Variants in UNC13B observed in about 807,000 individuals in gnomAD.
UNC13B encodes unc-13 homolog B, also known as protein unc-13 homolog B.
In UNC13B, 144 loss-of-function variants were observed where a neutral mutation model predicts 211.0. That is an observed-to-expected ratio of 0.68 (90% CI 0.60 to 0.78). The LOEUF (loss-of-function observed/expected upper bound fraction) is 0.78. UNC13B is among the 30% of genes least tolerant of loss of function. UNC13B has a pLI of 0.00. For synonymous variants in UNC13B, 709 were observed against 725.8 expected, an observed-to-expected ratio of 0.98 and a Z score of 0.37; for missense variants, 1,777 against 2,002.0, an observed-to-expected ratio of 0.89 and a Z score of 2.14.
chr9:35,197,230 C>T (rs1359983115), intron 1 of UNC13B, among the ~76,000 whole-genome samples: 2 of 151,836 alleles, frequency 1.3e-5, no homozygotes, highest in Non-Finnish European at 2.9e-5. Context: ...TTTTTTGAGA[C>T]AGAGTCTCGC....
intron 8 of UNC13B, among the ~76,000 whole-genome samples, chr9:35,299,032 G>C (rs1322246326): frequency 1.3e-5 from 2 of 152,146 alleles, no homozygotes; most frequent in Non-Finnish European, 2.9e-5. Flanking sequence ...AGGAGTTCAA[G>C]ACCAGCCTGG....
At chr9:35,294,649 C>G (rs1242436980) in intron 7 of UNC13B, among the ~76,000 whole-genome samples, 1 of 152,166 alleles carries the variant, frequency 6.6e-6, no homozygotes, top group African/African-American at 2.4e-5. Flanking sequence ...TCATTTTGTG[C>G]TAAAAGTATC....
At position 35,404,139 on chromosome 9, in the gene UNC13B, C is replaced by T; in HGVS notation, c.*106C>T. 1.4e-6 allele frequency: 2 copies of T among 1,417,600 alleles called. No individual in the cohort carries two copies. The highest frequency in any genetic ancestry group is 1.9e-6 in the Non-Finnish European group (2 of 1,067,800). The allele number at this position is 1,417,600 out of a possible 1,614,324, so 87.8% of individuals were successfully genotyped here. ...AGGGTCTTTGCAGTCAAGAGGCTGACCCCTTCAGTTAAAGATATTTAAGGA... is the reference window on the plus strand; with the variant it reads ...AGGGTCTTTGCAGTCAAGAGGCTGATCCCTTCAGTTAAAGATATTTAAGGA... On this transcript the variant is annotated 3_prime_UTR_variant, in exon 40 of 40. Transcript: ENST00000635942.
chr9:35,238,423 C>G lies in UNC13B; in HGVS notation c.394+597C>G, dbSNP rs114661197. Among the ~76,000 whole-genome samples, 1,100 of 152,180 alleles carry G rather than the reference C, an allele frequency of 7.2e-3. 12 individuals are homozygous for G. Among genetic ancestry groups the G allele is most frequent in the African/African-American group, 0.025 (1,027 of 41,512 alleles). On this transcript the variant is annotated intron_variant, in intron 5 of 39. Coordinates refer to ENST00000635942, the MANE Select transcript of UNC13B (RefSeq NM_001371189.2). ...TATTTTGGCAAAATTTGGATCATAC[C>G]CTATGTAATATTTATTTGCTGATAT...
intron 7 of UNC13B, among the ~76,000 whole-genome samples, chr9:35,264,895 T>C (rs370643749): frequency 6.6e-6 from 1 of 152,230 alleles, no homozygotes. Flanking sequence ...TGGGAATGTC[T>C]AGCCTATGTC....
At chr9:35,184,189 C>T (rs1396391256) in intron 1 of UNC13B, among the ~76,000 whole-genome samples, 2 of 145,560 alleles carry the variant, frequency 1.4e-5, no homozygotes, top group Non-Finnish European at 3.0e-5. Context: ...ACTTCCCAGA[C>T]AGGGCGGCCG....
intron 6 of UNC13B, among the ~76,000 whole-genome samples, chr9:35,247,339 C>G (rs1304022626): frequency 2.0e-5 from 3 of 152,162 alleles, no homozygotes; most frequent in Non-Finnish European, 4.4e-5. Context: ...ATTGAATACC[C>G]TTTATTTCTT....
intron 11 of UNC13B, among the ~76,000 whole-genome samples, chr9:35,325,352 A>T (rs944211792): frequency 5.3e-5 from 8 of 152,080 alleles, no homozygotes; most frequent in Admixed American, 1.3e-4. Flanking sequence ...GAGAAAAAAA[A>T]TTTTTTTTAT....
At chr9:35,319,875 G>A (rs1196246705) in intron 11 of UNC13B, among the ~76,000 whole-genome samples, 3 of 151,876 alleles carry the variant, frequency 2.0e-5, no homozygotes, top group African/African-American at 4.8e-5. Flanking sequence ...TTCCTAGGCT[G>A]GTCTTGAACT....
chr9:35,289,174 C>T (rs945001011), intron 7 of UNC13B, among the ~76,000 whole-genome samples: 3 of 152,144 alleles, frequency 2.0e-5, no homozygotes, highest in Non-Finnish European at 2.9e-5. Context: ...CAGGGTATCA[C>T]TAAATTAAAG....
chr9:35,377,160 T>C (rs571585712), intron 15 of UNC13B, among the ~76,000 whole-genome samples: 4 of 152,238 alleles, frequency 2.6e-5, no homozygotes, highest in African/African-American at 9.6e-5. Context: ...AAATGTCCTT[T>C]GAAGAGCCTC....
At chr9:35,179,554 G>GCT (rs1821821226) in intron 1 of UNC13B, among the ~76,000 whole-genome samples, 1 of 152,178 alleles carries the variant, frequency 6.6e-6, no homozygotes, top group Non-Finnish European at 1.5e-5. Flanking sequence ...ACTTTGGAAG[G>GCT]CTGAGGCATG....
chr9:35,304,362 G>A lies in UNC13B; in HGVS notation c.4958G>A (p.Arg1653His), dbSNP rs142668589. Reference sequence around the variant, plus strand: ...CCACTAGATTTTTCAGGCTATAATCGTCAAAAGTTTAAAGGAGACTTTAGA... The same window carrying A: ...CCACTAGATTTTTCAGGCTATAATCATCAAAAGTTTAAAGGAGACTTTAGA... ...DQPLDFSGYN[R>H]QKFKGDFRSF... The change falls in exon 9 of 40, where the codon CGT becomes CAT. Residue 1653 changes from arginine (R) to histidine (H), a missense_variant. Physicochemically the swap from Arg to His is conservative, Grantham distance 29. Coordinates refer to ENST00000635942, the MANE Select transcript of UNC13B (RefSeq NM_001371189.2). 95 of 398,558 alleles carry A rather than the reference G, an allele frequency of 2.4e-4. No individual in the cohort carries two copies. Among genetic ancestry groups the A allele is most frequent in the African/African-American group, 1.6e-3 (78 of 48,652 alleles). 24.7% of individuals were successfully genotyped at this position (398,558 alleles called of 1,614,324 possible).
intron 11 of UNC13B, among the ~76,000 whole-genome samples, chr9:35,356,289 ACT>A (rs1458018076): frequency 4.0e-5 from 6 of 150,690 alleles, no homozygotes; most frequent in South Asian, 2.1e-4. Flanking sequence ...GCTTTTGAAA[ACT>A]CTGCTTTCTT....
At chr9:35,228,113 T>G in intron 2 of UNC13B, 69 bp downstream of exon 2, 5 of 1,357,814 alleles carry the variant, frequency 3.7e-6, no homozygotes, top group Non-Finnish European at 1.0e-6. Flanking sequence ...TTTAAAAAAA[T>G]TATTAATTCA....
rs10814222 is a variant in UNC13B at position 35,301,931 on chromosome 9, G to A, written c.2527G>A (p.Gly843Ser). Residue 843 changes from glycine (G) to serine (S), a missense_variant, in exon 9 of 40, where the codon GGT (glycine) becomes AGT (serine). Physicochemically the swap from Gly to Ser is moderately conservative, Grantham distance 56. Coordinates refer to ENST00000635942, the MANE Select transcript of UNC13B (RefSeq NM_001371189.2). ...PVKIRQVEED[G>S]LERGSKKDGH... ...GAAAATTCGCCAGGTGGAGGAAGAT[G>A]GTTTAGAAAGGGGCTCTAAGAAAGA... is the stretch of plus-strand genomic sequence containing the variant. The A allele has an allele frequency of 0.21, 83,754 of 398,576 alleles. 9,245 individuals carry two copies. Among genetic ancestry groups the A allele is most frequent in the Non-Finnish European group, 0.24 (54,586 of 225,774 alleles). 24.7% of individuals were successfully genotyped at this position (398,576 alleles called of 1,614,324 possible). A position where few individuals can be genotyped will look rare whatever the true frequency, so the allele number is the denominator to read the frequency against.
chr9:35,402,809 A>ATT (rs1836411036), intron 37 of UNC13B, among the ~76,000 whole-genome samples: 2 of 152,056 alleles, frequency 1.3e-5, no homozygotes, highest in Admixed American at 1.3e-4. Context: ...CCATTAAGAG[A>ATT]CACTACCAGG....
chr9:35,377,387 T>C, intron 15 of UNC13B, 81 bp from the exon 16 acceptor site: 1 of 1,440,536 alleles, frequency 6.9e-7, no homozygotes, highest in Non-Finnish European at 9.6e-7. Flanking sequence ...TCTCCACTGC[T>C]CTGCAGCCTC....
intron 1 of UNC13B, among the ~76,000 whole-genome samples, chr9:35,193,476 G>A (rs773473168): frequency 3.3e-5 from 5 of 151,702 alleles, no homozygotes; most frequent in African/African-American, 4.8e-5. Context: ...GTGAAACCCC[G>A]TCTCTACTAA....
Sources: allele counts gnomAD v4.1 joint callset (sites outside exome capture counted in the v4.1 genomes callset), GRCh38; gene constraint gnomAD v4.1.1; transcripts MANE v1.5; gene names NCBI Gene and HGNC (gene_info 2026-07-23, HGNC 2026-07-21).